Variants in SH3GL2 observed in about 807,000 individuals in gnomAD.
SH3GL2 encodes endophilin-A1.
In SH3GL2, 24 loss-of-function variants were observed where a neutral mutation model predicts 46.0. The observed-to-expected ratio is 0.52, with a 90% CI of 0.38 to 0.73. The LOEUF (loss-of-function observed/expected upper bound fraction) is 0.73, where lower values mean the gene tolerates loss of function less well. Among genes scored for constraint, SH3GL2 ranks in the 30% least tolerant of loss-of-function variants. SH3GL2 has a pLI of 0.00. For synonymous variants in SH3GL2, 196 were observed against 147.1 expected (o/e 1.33, Z -2.40); for missense variants, 413 against 424.2 (o/e 0.97, Z 0.23).
At chr9:17,752,187 G>A (rs1047311696) in intron 2 of SH3GL2, among the ~76,000 whole-genome samples, 3 of 152,078 alleles carry the variant, frequency 2.0e-5, no homozygotes, top group African/African-American at 7.2e-5. Flanking sequence ...AGTCAGCAGG[G>A]GACTATTAAA....
At chr9:17,760,034 A>G (rs1461690405) in intron 2 of SH3GL2, among the ~76,000 whole-genome samples, 2 of 152,104 alleles carry the variant, frequency 1.3e-5, no homozygotes, top group Non-Finnish European at 2.9e-5. Context: ...TAATACTAGG[A>G]CCTTCACATA....
At chr9:17,652,570 G>A (rs1233409756) in intron 1 of SH3GL2, among the ~76,000 whole-genome samples, 1 of 151,984 alleles carries the variant, frequency 6.6e-6, no homozygotes. Context: ...CATTTTCTCT[G>A]CCATTTCTGA....
chr9:17,629,740 TC>T lies in SH3GL2; in HGVS notation c.45+50455del, dbSNP rs1230310608. Among the ~76,000 whole-genome samples, 3 of 152,310 alleles carry T rather than the reference TC, an allele frequency of 2.0e-5. No individual in the cohort carries two copies. The East Asian group carries it at 5.8e-4, about 29-fold the overall frequency. On this transcript the variant is annotated intron_variant, in intron 1 of 8. Coordinates refer to ENST00000380607, the MANE Select transcript of SH3GL2 (RefSeq NM_003026.5). The stretch of plus-strand genomic sequence containing the variant: ...CTTAAGCCTGTTTGTTTCCTGTTTA[TC>T]CAGGTTTCACTTTTCATTGATGGGC...
chr9:17,645,091 C>G (rs1041143375), intron 1 of SH3GL2, among the ~76,000 whole-genome samples: 4 of 135,088 alleles, frequency 3.0e-5, no homozygotes, highest in Non-Finnish European at 4.8e-5. Flanking sequence ...CCTTCTTTGT[C>G]TTTTTTGATC....
chr9:17,775,652 A>G (rs529914149), intron 3 of SH3GL2, among the ~76,000 whole-genome samples: 1 of 152,330 alleles, frequency 6.6e-6, no homozygotes, highest in East Asian at 1.9e-4. Context: ...TCCTTTGGGT[A>G]ATGAGGCTTG....
chr9:17,761,812 G>C (rs1343354443), intron 3 of SH3GL2, among the ~76,000 whole-genome samples: 2 of 152,192 alleles, frequency 1.3e-5, no homozygotes, highest in Non-Finnish European at 2.9e-5. Flanking sequence ...TTATCAGTTT[G>C]AACTTTCAAG....
chr9:17,789,617 C>A (rs748088507), intron 6 of SH3GL2, 67 bp downstream of exon 6: 1 of 1,596,558 alleles, frequency 6.3e-7, no homozygotes, highest in Middle Eastern at 1.7e-4. Context: ...TGTTAAAGGC[C>A]ATAACCCTTA....
At chr9:17,752,735 G>A (rs1267986760) in intron 2 of SH3GL2, among the ~76,000 whole-genome samples, 2 of 152,062 alleles carry the variant, frequency 1.3e-5, no homozygotes, top group Non-Finnish European at 2.9e-5. Context: ...AACTTCAGGG[G>A]TACACGTGCA....
At position 17,795,911 on chromosome 9, in the gene SH3GL2, T is replaced by G. The variant is rs1461002923; in HGVS notation, c.*168T>G. Reference sequence around the variant, plus strand: ...TTGTGGGCTCCCACAGGAGTCATGGTGATGGATGATATCCTCTTAGCCTGG... The same window carrying G: ...TTGTGGGCTCCCACAGGAGTCATGGGGATGGATGATATCCTCTTAGCCTGG... On this transcript the variant is annotated 3_prime_UTR_variant, in exon 9 of 9. Transcript: ENST00000380607. The G allele has an allele frequency of 3.3e-6, 2 of 606,198 alleles. No individual in the cohort carries two copies. Among genetic ancestry groups the G allele is most frequent in the African/African-American group, 1.9e-5 (1 of 53,958 alleles). The allele number at this position is 606,198 out of a possible 1,614,324, so 37.6% of individuals were successfully genotyped here.
intron 3 of SH3GL2, among the ~76,000 whole-genome samples, chr9:17,770,874 C>T (rs940829173): frequency 6.6e-6 from 1 of 152,162 alleles, no homozygotes; most frequent in Non-Finnish European, 1.5e-5. Context: ...AAGACAGCAA[C>T]CCACGTGAGC....
intron 1 of SH3GL2, among the ~76,000 whole-genome samples, chr9:17,621,348 T>A (rs1819133761): frequency 6.6e-6 from 1 of 152,264 alleles, no homozygotes; most frequent in African/African-American, 2.4e-5. Flanking sequence ...ACTGTGCTAA[T>A]TTATGTCCGC....
At chr9:17,607,877 A>G (rs1476210222) in intron 1 of SH3GL2, among the ~76,000 whole-genome samples, 1 of 152,214 alleles carries the variant, frequency 6.6e-6, no homozygotes, top group African/African-American at 2.4e-5. Flanking sequence ...TGATCATTCA[A>G]ATGAATGGGT....
intron 5 of SH3GL2, 124 bp from the exon 6 acceptor site, chr9:17,789,268 G>A: frequency 1.4e-6 from 1 of 698,796 alleles, no homozygotes; most frequent in Non-Finnish European, 2.5e-6. Flanking sequence ...TTCTCTGGTG[G>A]CGTTGTATTT....
At chr9:17,653,286 AT>A (rs1196493553) in intron 1 of SH3GL2, among the ~76,000 whole-genome samples, 3 of 151,518 alleles carry the variant, frequency 2.0e-5, no homozygotes, top group Admixed American at 2.0e-4. Context: ...CAGATGTCTT[AT>A]TTTTTTCCCT....
intron 1 of SH3GL2, among the ~76,000 whole-genome samples, chr9:17,610,856 T>A (rs1055425351): frequency 6.6e-6 from 1 of 152,144 alleles, no homozygotes; most frequent in African/African-American, 2.4e-5. Flanking sequence ...ATGGGACGCT[T>A]TTTTGGTGAA....
intron 1 of SH3GL2, among the ~76,000 whole-genome samples, chr9:17,681,698 C>T (rs186580538): frequency 2.9e-4 from 44 of 152,100 alleles, no homozygotes; most frequent in African/African-American, 1.1e-3. Flanking sequence ...TCAAAATTGG[C>T]AAATGGAGGA....
intron 1 of SH3GL2, among the ~76,000 whole-genome samples, chr9:17,740,115 C>A (rs1024344802): frequency 6.6e-6 from 1 of 151,978 alleles, no homozygotes; most frequent in African/African-American, 2.4e-5. Context: ...TTCCAATTTT[C>A]TTAAATATAC....
At chr9:17,754,303 A>G (rs539650062) in intron 2 of SH3GL2, among the ~76,000 whole-genome samples, 2 of 152,164 alleles carry the variant, frequency 1.3e-5, no homozygotes, top group Non-Finnish European at 2.9e-5. Flanking sequence ...GAGTCTTCCT[A>G]TCCATGAGCA....
intron 1 of SH3GL2, among the ~76,000 whole-genome samples, chr9:17,696,258 C>CT (rs1821199732): frequency 6.6e-6 from 1 of 152,072 alleles, no homozygotes; most frequent in African/African-American, 2.4e-5. Flanking sequence ...ATACAGATAA[C>CT]TATTACATTT....
Sources: allele counts gnomAD v4.1 joint callset (sites outside exome capture counted in the v4.1 genomes callset), GRCh38; gene constraint gnomAD v4.1.1; transcripts MANE v1.5; gene names NCBI Gene and HGNC (gene_info 2026-07-23, HGNC 2026-07-21).